INSL6: variants seen among roughly 807,000 people sequenced by gnomAD.
INSL6 encodes the protein insulin-like peptide INSL6.
In INSL6, 16 loss-of-function variants were observed where a neutral mutation model predicts 9.4. That is an observed-to-expected ratio of 1.70 (90% CI 1.15 to 2.59). INSL6 has a LOEUF of 2.59. Among genes scored for constraint, INSL6 ranks in the 30% most tolerant of loss-of-function variants. The probability of loss-of-function intolerance (pLI) is 0.00; values close to 1 mark genes in which losing one functional copy is unlikely to be tolerated. For missense variants in INSL6, 391 were observed against 257.3 expected, an observed-to-expected ratio of 1.52 and a Z score of -3.56; for synonymous variants, 154 against 96.9, an observed-to-expected ratio of 1.59 and a Z score of -3.46.
At chr9:5,057,501 A>G in the INSL6 span, among the ~76,000 whole-genome samples, 2 of 151,940 alleles carry the variant, frequency 1.3e-5, no homozygotes, top group East Asian at 3.8e-4. Flanking sequence ...TTTATCTTGC[A>G]AAATTGAAGT....
intron 1 of INSL6, among the ~76,000 whole-genome samples, chr9:5,174,814 C>G (rs903677425): frequency 3.9e-5 from 6 of 152,212 alleles, no homozygotes; most frequent in African/African-American, 1.4e-4. Flanking sequence ...ATGTCCAAAA[C>G]TGAACTACTG....
intron 1 of INSL6, among the ~76,000 whole-genome samples, chr9:5,175,624 A>G (rs890148407): frequency 2.0e-5 from 3 of 152,116 alleles, no homozygotes; most frequent in Non-Finnish European, 4.4e-5. Flanking sequence ...AGCTTCATCT[A>G]TATTTACAGC....
the INSL6 span, among the ~76,000 whole-genome samples, chr9:5,005,156 C>A: frequency 8.2e-6 from 1 of 122,050 alleles, no homozygotes; most frequent in Non-Finnish European, 1.6e-5. Context: ...CACTGTGTTG[C>A]CCAGGCTGGT....
chr9:5,133,169 A>G (rs1365577447), intron 3 of INSL6, among the ~76,000 whole-genome samples: 1 of 150,510 alleles, frequency 6.6e-6, no homozygotes, highest in Non-Finnish European at 1.5e-5. Context: ...TTAGAGTGTC[A>G]TGGTAGAGGA....
At chr9:5,179,291 A>G (rs1030420168) in intron 1 of INSL6, among the ~76,000 whole-genome samples, 2 of 152,228 alleles carry the variant, frequency 1.3e-5, no homozygotes, top group Non-Finnish European at 2.9e-5. Context: ...AGAAATGCAA[A>G]TCAAGATTAC....
the INSL6 span, chr9:5,066,723 T>A: frequency 6.2e-7 from 1 of 1,609,558 alleles, no homozygotes; most frequent in Non-Finnish European, 8.5e-7. Flanking sequence ...GTAATCAGAC[T>A]GGACTGTATG....
chr9:5,164,997 CAGG>C (rs1825019258), intron 1 of INSL6, among the ~76,000 whole-genome samples: 1 of 152,204 alleles, frequency 6.6e-6, no homozygotes, highest in Non-Finnish European at 1.5e-5. Flanking sequence ...CACTTGAGGT[CAGG>C]AGTTCAATAC....
the INSL6 span, among the ~76,000 whole-genome samples, chr9:4,996,660 G>A: frequency 3.4e-5 from 5 of 146,158 alleles, no homozygotes; most frequent in Non-Finnish European, 6.1e-5. Context: ...CCACCATTTA[G>A]GACCCTGTCT....
the INSL6 span, chr9:5,110,556 T>TTGG: frequency 2.4e-4 from 41 of 170,082 alleles, no homozygotes; most frequent in African/African-American, 4.8e-5. Flanking sequence ...ATTCAAGACT[T>TTGG]TACCCTTCAC....
At chr9:5,110,912 G>A in the INSL6 span, 17 of 563,034 alleles carry the variant, frequency 3.0e-5, 2 homozygotes, top group African/African-American at 3.2e-4. Context: ...GGCCCCAAGA[G>A]AATGAACCAG....
chr9:4,998,218 T>C, the INSL6 span, among the ~76,000 whole-genome samples: 2 of 152,134 alleles, frequency 1.3e-5, no homozygotes, highest in East Asian at 1.9e-4. Context: ...TATGATGGTA[T>C]TGAAATGAGA....
the INSL6 span, among the ~76,000 whole-genome samples, chr9:5,103,645 T>C: frequency 1.3e-5 from 2 of 152,130 alleles, no homozygotes; most frequent in Non-Finnish European, 2.9e-5. Context: ...ATCACACTTA[T>C]TCCAAAATAG....
chr9:5,019,110 G>A, the INSL6 span, among the ~76,000 whole-genome samples: 1 of 152,008 alleles, frequency 6.6e-6, no homozygotes, highest in Admixed American at 6.5e-5. Flanking sequence ...TGATATACTT[G>A]GGTAGTTTTC....
chr9:5,004,244 A>G, the INSL6 span, among the ~76,000 whole-genome samples: 1 of 152,110 alleles, frequency 6.6e-6, no homozygotes, highest in Non-Finnish European at 1.5e-5. Flanking sequence ...CCTCCTATCT[A>G]ACAGAAATTT....
chr9:5,126,432 G>A, intron 3 of INSL6: 2 of 1,605,562 alleles, frequency 1.2e-6, no homozygotes, highest in Non-Finnish European at 1.7e-6. Flanking sequence ...AAGACCAGAT[G>A]GATGCCCAGA....
chr9:5,021,737 C>T, the INSL6 span, among the ~76,000 whole-genome samples: 248 of 152,252 alleles, frequency 1.6e-3, 1 homozygote, highest in Non-Finnish European at 2.9e-3. Flanking sequence ...GCAATTCTTC[C>T]GCTCCACTCC....
chr9:5,007,516 G>GT, the INSL6 span, among the ~76,000 whole-genome samples: 11 of 151,722 alleles, frequency 7.3e-5, no homozygotes, highest in Middle Eastern at 3.4e-3. Flanking sequence ...GCATACGTGA[G>GT]TTTTTTTTGT....
chr9:5,164,128 C>T lies in INSL6; in HGVS notation c.427G>A (p.Glu143Lys). The change falls in exon 2 of 2, where the codon GAG (glutamate) becomes AAG (lysine). Residue 143 changes from glutamate to lysine, a missense_variant. By Grantham distance (56) the Glu-to-Lys change is moderately conservative. Coordinates refer to ENST00000381641, the MANE Select transcript of INSL6 (RefSeq NM_007179.3). The stretch of plus-strand genomic sequence containing the variant: ...CGTTTCTTCTGAAATTTTGCATTCT[C>T]ATGAATATATACATTGATATTATGT... ...SSHNINVYIH[E>K]NAKFQKKRRN... is the part of the protein sequence containing the mutation. 1 of 1,612,442 alleles carries T rather than the reference C, an allele frequency of 6.2e-7. No individual in the cohort carries two copies. The highest frequency in any genetic ancestry group is 8.5e-7 in the Non-Finnish European group (1 of 1,179,448).
At chr9:5,178,706 C>T (rs941998920) in intron 1 of INSL6, among the ~76,000 whole-genome samples, 5 of 152,130 alleles carry the variant, frequency 3.3e-5, no homozygotes. Flanking sequence ...AAACCACACA[C>T]CACACACCTA....
Sources: gnomAD v4.1 joint callset for allele counts (sites outside exome capture counted in the v4.1 genomes callset) on GRCh38, gnomAD v4.1.1 for gene constraint, MANE v1.5 for transcripts, NCBI Gene and HGNC (gene_info 2026-07-23, HGNC 2026-07-21) for gene names.